Variants in CAMK2G observed in about 807,000 individuals in gnomAD.
CAMK2G encodes calcium/calmodulin-dependent protein kinase type II subunit gamma.
In CAMK2G, 23 loss-of-function variants were observed where a neutral mutation model predicts 88.7. The observed-to-expected ratio is 0.26, with a 90% CI of 0.19 to 0.37. The LOEUF is 0.37. CAMK2G is among the 10% of genes least tolerant of loss of function. CAMK2G has a pLI of 1.00. For synonymous variants in CAMK2G, 263 were observed against 294.8 expected, an observed-to-expected ratio of 0.89 and a Z score of 1.11; for missense variants, 476 against 780.8, an observed-to-expected ratio of 0.61 and a Z score of 4.65.
intron 17 of CAMK2G, among the ~76,000 whole-genome samples, chr10:73,823,144 G>C (rs2089642619): frequency 6.6e-6 from 1 of 152,206 alleles, no homozygotes; most frequent in Admixed American, 6.5e-5. Context: ...TTACAGGCAT[G>C]AGCCACCGCA....
chr10:73,871,325 A>T (rs959717378), intron 2 of CAMK2G, among the ~76,000 whole-genome samples: 3 of 152,142 alleles, frequency 2.0e-5, no homozygotes, highest in African/African-American at 7.2e-5. Flanking sequence ...AGGAGTAGGA[A>T]ATGAAAGCCC....
intron 19 of CAMK2G, among the ~76,000 whole-genome samples, chr10:73,819,048 TCA>T (rs1257770298): frequency 9.9e-5 from 15 of 152,178 alleles, no homozygotes; most frequent in Non-Finnish European, 4.4e-5. Context: ...AGGTTAAACT[TCA>T]CACTCTTGAA....
At chr10:73,862,588 C>T (rs1426329334) in intron 2 of CAMK2G, among the ~76,000 whole-genome samples, 3 of 152,094 alleles carry the variant, frequency 2.0e-5, no homozygotes, top group Admixed American at 6.5e-5. Context: ...ATTATATTAC[C>T]GAGGAAACAG....
In CAMK2G at chr10:73,874,481, C is replaced by G; in HGVS notation, c.-20G>C. On this transcript the variant is annotated 5_prime_UTR_variant, in exon 1 of 23. Transcript: ENST00000423381. ...GGCCATGCTGGCGGGCGGGCGGACG[C>G]GGCGGTGCAGCCCGCGCCGACGTCG... is the stretch of plus-strand genomic sequence containing the variant. The G allele has an allele frequency of 2.0e-6, 3 of 1,478,204 alleles. No homozygotes were observed. The highest frequency in any genetic ancestry group is 2.7e-6 in the Non-Finnish European group (3 of 1,102,918). 91.6% of individuals were successfully genotyped at this position (1,478,204 alleles called of 1,614,324 possible).
At chr10:73,866,253 G>A (rs1348074657) in intron 2 of CAMK2G, among the ~76,000 whole-genome samples, 1 of 152,180 alleles carries the variant, frequency 6.6e-6, no homozygotes, top group Admixed American at 6.5e-5. Flanking sequence ...ACCAGGGGAG[G>A]CAGAAAAGAG....
chr10:73,861,602 C>T (rs2095378548), intron 2 of CAMK2G, among the ~76,000 whole-genome samples: 1 of 151,980 alleles, frequency 6.6e-6, no homozygotes, highest in Admixed American at 6.5e-5. Context: ...GTGATCCACC[C>T]GCCTCGGCCT....
chr10:73,833,197 A>G (rs1485224052), intron 14 of CAMK2G, among the ~76,000 whole-genome samples: 1 of 151,556 alleles, frequency 6.6e-6, no homozygotes, highest in Non-Finnish European at 1.5e-5. Flanking sequence ...TCTTGGGTTC[A>G]AGCAATCCTC....
At chr10:73,820,663 A>ATTTTTTTTTTTT (rs1198716305) in intron 18 of CAMK2G, among the ~76,000 whole-genome samples, 489 of 46,122 alleles carry the variant, frequency 0.011, 29 homozygotes, top group South Asian at 0.012. Flanking sequence ...CACCCGGCTA[A>ATTTTTTTTTTTT]TTTTTTTTTT....
intron 21 of CAMK2G, chr10:73,816,214 C>T (rs763624612): frequency 3.2e-5 from 32 of 986,594 alleles, no homozygotes; most frequent in Non-Finnish European, 3.9e-5. Context: ...ATGAACTGTC[C>T]AGAATGTACA....
chr10:73,867,870 C>T (rs931880372), intron 2 of CAMK2G, among the ~76,000 whole-genome samples: 2 of 152,196 alleles, frequency 1.3e-5, no homozygotes, highest in African/African-American at 4.8e-5. Context: ...GACGCTGGGT[C>T]TGAGCCCTGG....
chr10:73,829,299 TTTA>T (rs2091917246), intron 14 of CAMK2G, among the ~76,000 whole-genome samples: 1 of 150,878 alleles, frequency 6.6e-6, no homozygotes, highest in African/African-American at 2.4e-5. Context: ...TATTTATTTA[TTTA>T]TTTATTTATT....
intron 14 of CAMK2G, 122 bp downstream of exon 14, chr10:73,837,346 G>C: frequency 1.2e-6 from 1 of 835,670 alleles, no homozygotes. Context: ...AAGGCATCTG[G>C]TTTAAAGCAG....
intron 15 of CAMK2G, 109 bp from the exon 16 acceptor site, chr10:73,825,456 G>A: frequency 1.2e-6 from 1 of 804,022 alleles, no homozygotes; most frequent in Non-Finnish European, 2.2e-6. Flanking sequence ...AGGTAGGCCT[G>A]AGGTGGCCTC....
Position 73,848,095 on chromosome 10 carries a change from A to G in CAMK2G, c.602-13T>C. 6.7e-7 allele frequency: 1 copy of G among 1,500,712 alleles called. No individual in the cohort carries two copies. Among genetic ancestry groups the G allele is most frequent in the Non-Finnish European group, 9.3e-7 (1 of 1,076,784 alleles). The allele number at this position is 1,500,712 out of a possible 1,614,324, so 93.0% of individuals were successfully genotyped here. ...TACAGGATGACCCCTACGAGACAGA[A>G]CACACAGGTCATGGGGGTCAGTCGC... is the stretch of plus-strand genomic sequence containing the variant. On this transcript the variant is annotated splice_polypyrimidine_tract_variant and intron_variant, in intron 8 of 22. Coordinates refer to ENST00000423381, the MANE Select transcript of CAMK2G (RefSeq NM_001367534.1). This position sits in a 1 kb window ranked among gnomAD's most constrained non-coding sequence, Gnocchi z 4.5.
intron 4 of CAMK2G, 173 bp from the exon 5 acceptor site, chr10:73,852,492 C>T: frequency 1.6e-6 from 1 of 611,664 alleles, no homozygotes; most frequent in Admixed American, 2.8e-5. Flanking sequence ...CACCCGGATT[C>T]TCCTTGAGGT....
At chr10:73,837,280 G>A in intron 14 of CAMK2G, 188 bp downstream of exon 14, 1 of 673,976 alleles carries the variant, frequency 1.5e-6, no homozygotes, top group Non-Finnish European at 2.7e-6. Flanking sequence ...CTAGGGCCAG[G>A]AAAAATACCT....
At chr10:73,851,528 C>A (rs1318990818) in intron 5 of CAMK2G, among the ~76,000 whole-genome samples, 5 of 152,118 alleles carry the variant, frequency 3.3e-5, no homozygotes, top group African/African-American at 9.7e-5. Context: ...TCCACTCCCT[C>A]AGGACAGAAA....
intron 12 of CAMK2G, among the ~76,000 whole-genome samples, chr10:73,841,128 A>T (rs2093745459): frequency 6.6e-6 from 1 of 152,234 alleles, no homozygotes; most frequent in South Asian, 2.1e-4. Flanking sequence ...ACGAAGCCCT[A>T]GGCTCCCTGC....
At chr10:73,853,340 C>CG (rs2094783590) in intron 3 of CAMK2G, 94 bp from the exon 4 acceptor site, 1 of 1,125,966 alleles carries the variant, frequency 8.9e-7, no homozygotes, top group Non-Finnish European at 1.3e-6. Context: ...CCCATCCTGT[C>CG]GGGCTCACAG....
Sources: gnomAD v4.1 joint callset for allele counts (sites outside exome capture counted in the v4.1 genomes callset) on GRCh38, gnomAD v4.1.1 for gene constraint, Gnocchi (gnomAD v3.1) non-coding constraint, MANE v1.5 for transcripts, NCBI Gene and HGNC (gene_info 2026-07-23, HGNC 2026-07-21) for gene names.